HSF2BP: variants seen among roughly 807,000 people sequenced by gnomAD.
HSF2BP encodes the protein heat shock transcription factor 2 binding protein.
A neutral mutation model predicts 35.0 loss-of-function variants in HSF2BP; 35 were observed. The ratio of observed to expected loss-of-function variants is 1.00; its 90% CI spans 0.76 to 1.32. The LOEUF (loss-of-function observed/expected upper bound fraction) is 1.32. HSF2BP is among the 40% of genes most tolerant of loss of function. The pLI, the probability that HSF2BP is intolerant of heterozygous loss-of-function variation, is 0.00. For synonymous variants in HSF2BP, 114 were observed against 117.4 expected, an observed-to-expected ratio of 0.97 and a Z score of 0.18; for missense variants, 326 against 321.7, an observed-to-expected ratio of 1.01 and a Z score of -0.10.
In HSF2BP at chr21:43,630,757, C is replaced by A. The variant is rs80173670; in HGVS notation, c.442-303G>T. Among the ~76,000 whole-genome samples, 1,128 of 152,180 alleles carry A rather than the reference C, an allele frequency of 7.4e-3. 14 individuals are homozygous for A. Among genetic ancestry groups the A allele is most frequent in the East Asian group, 0.053 (277 of 5,178 alleles). On this transcript the variant is annotated intron_variant, in intron 5 of 8. Coordinates refer to ENST00000291560, the MANE Select transcript of HSF2BP (RefSeq NM_007031.2). ...ATGTAATAAAAATATACTAGAAAAA[C>A]ATGCTGCCTATTTGCTCTGGGCATT...
intron 2 of HSF2BP, among the ~76,000 whole-genome samples, chr21:43,657,270 A>C (rs2082883945): frequency 6.6e-6 from 1 of 152,206 alleles, no homozygotes; most frequent in South Asian, 2.1e-4. Flanking sequence ...TGACACGGGA[A>C]GAAGGCTTGA....
At chr21:43,612,412 G>T (rs2082217310) in intron 7 of HSF2BP, among the ~76,000 whole-genome samples, 1 of 152,194 alleles carries the variant, frequency 6.6e-6, no homozygotes, top group Non-Finnish European at 1.5e-5. Flanking sequence ...AGCACTTTGG[G>T]AGGCCAAGGC....
chr21:43,596,673 T>C (rs1237616383), intron 7 of HSF2BP, among the ~76,000 whole-genome samples: 2 of 151,714 alleles, frequency 1.3e-5, no homozygotes, highest in Non-Finnish European at 2.9e-5. Context: ...AAAACCAGCT[T>C]GGGCAACACA....
At chr21:43,627,176 T>C (rs1401712778) in intron 6 of HSF2BP, among the ~76,000 whole-genome samples, 2 of 152,188 alleles carry the variant, frequency 1.3e-5, no homozygotes, top group Non-Finnish European at 1.5e-5. Flanking sequence ...CTTGCTTCTA[T>C]ACTGAGAAAT....
At chr21:43,634,769 C>T (rs1007629971) in intron 4 of HSF2BP, among the ~76,000 whole-genome samples, 2 of 152,146 alleles carry the variant, frequency 1.3e-5, no homozygotes, top group Non-Finnish European at 2.9e-5. Flanking sequence ...CTGTCAGCTC[C>T]GGGTTTTTAA....
At chr21:43,467,565 G>A in the HSF2BP span, among the ~76,000 whole-genome samples, 3 of 148,198 alleles carry the variant, frequency 2.0e-5, no homozygotes, top group South Asian at 2.2e-4. Flanking sequence ...AAGCCCAGAC[G>A]TCCAGCCCGT....
chr21:43,647,918 G>C (rs1470693155), intron 3 of HSF2BP, among the ~76,000 whole-genome samples: 1 of 129,674 alleles, frequency 7.7e-6, no homozygotes, highest in East Asian at 2.2e-4. Context: ...GACAGAGCAA[G>C]ACTTCATCTC....
At chr21:43,639,469 A>G (rs1339845461) in intron 4 of HSF2BP, among the ~76,000 whole-genome samples, 1 of 152,236 alleles carries the variant, frequency 6.6e-6, no homozygotes, top group Non-Finnish European at 1.5e-5. Flanking sequence ...AAAAAATCCA[A>G]TTAGAACATG....
At chr21:43,629,659 G>A (rs996454895) in intron 6 of HSF2BP, among the ~76,000 whole-genome samples, 1 of 152,192 alleles carries the variant, frequency 6.6e-6, no homozygotes, top group South Asian at 2.1e-4. Context: ...TGACTTCAGT[G>A]GAGTAAGTAA....
chr21:43,620,732 C>T (rs995686742), intron 6 of HSF2BP, among the ~76,000 whole-genome samples: 1 of 144,698 alleles, frequency 6.9e-6, no homozygotes, highest in African/African-American at 2.9e-5. Flanking sequence ...ATCATCATCA[C>T]CATCATCACC....
intron 5 of HSF2BP, among the ~76,000 whole-genome samples, chr21:43,632,103 CCCCACACACACGCTCCCCCA>C: frequency 4.2e-5 from 1 of 24,062 alleles, no homozygotes; most frequent in African/African-American, 1.2e-4. Flanking sequence ...CACACGCTCT[CCCCACACACACGCTCCCCCA>C]AACACACACA....
intron 8 of HSF2BP, among the ~76,000 whole-genome samples, chr21:43,586,106 C>G (rs1415844088): frequency 1.3e-5 from 2 of 152,174 alleles, no homozygotes; most frequent in Non-Finnish European, 2.9e-5. Context: ...ATGCAGTTTC[C>G]TGTGATCACA....
At chr21:43,603,932 C>G (rs986711445) in intron 7 of HSF2BP, among the ~76,000 whole-genome samples, 1 of 152,140 alleles carries the variant, frequency 6.6e-6, no homozygotes, top group African/African-American at 2.4e-5. Flanking sequence ...AGAATCCAGT[C>G]TGATCCACCA....
intron 4 of HSF2BP, among the ~76,000 whole-genome samples, chr21:43,636,315 T>C (rs886328040): frequency 6.6e-6 from 1 of 151,232 alleles, no homozygotes; most frequent in Non-Finnish European, 1.5e-5. Flanking sequence ...AAATGTAAAA[T>C]TTCTCAAAAA....
chr21:43,648,794 T>C (rs2082743015), intron 3 of HSF2BP, among the ~76,000 whole-genome samples: 2 of 152,230 alleles, frequency 1.3e-5, no homozygotes, highest in South Asian at 4.1e-4. Flanking sequence ...AATCTCAAAA[T>C]ATCCTACACT....
chr21:43,567,725 C>A (rs1247669453), intron 8 of HSF2BP, among the ~76,000 whole-genome samples: 1 of 4,130 alleles, frequency 2.4e-4, no homozygotes, highest in Non-Finnish European at 3.7e-4. Flanking sequence ...TAATAATAAA[C>A]TGAAAAGTCC....
chr21:43,623,161 T>A (rs1473931143), intron 6 of HSF2BP, among the ~76,000 whole-genome samples: 1 of 152,052 alleles, frequency 6.6e-6, no homozygotes, highest in Non-Finnish European at 1.5e-5. Flanking sequence ...AAGAGGACCC[T>A]CAGAAACTAT....
At chr21:43,600,798 C>T (rs1227198529) in intron 7 of HSF2BP, among the ~76,000 whole-genome samples, 7 of 152,196 alleles carry the variant, frequency 4.6e-5, no homozygotes, top group East Asian at 1.9e-4. Context: ...CCTTGGTGAA[C>T]GCTACCCAAA....
intron 6 of HSF2BP, among the ~76,000 whole-genome samples, chr21:43,624,441 G>A (rs2082366185): frequency 6.6e-6 from 1 of 152,184 alleles, no homozygotes; most frequent in Admixed American, 6.5e-5. Flanking sequence ...GTTAGTCAGT[G>A]GCAGAAGCAG....
Sources: gnomAD v4.1 joint callset for allele counts (sites outside exome capture counted in the v4.1 genomes callset) on GRCh38, gnomAD v4.1.1 for gene constraint, MANE v1.5 for transcripts, NCBI Gene and HGNC (gene_info 2026-07-23, HGNC 2026-07-21) for gene names.